SCD5: variants seen among roughly 807,000 people sequenced by gnomAD.
The protein encoded by SCD5 is acyl-CoA-desaturase 4.
A neutral mutation model predicts 30.4 loss-of-function variants in SCD5; 20 were observed. The observed-to-expected ratio is 0.66, with a 90% CI of 0.46 to 0.96. SCD5 has a LOEUF of 0.96. Among genes scored for constraint, SCD5 ranks in the 40% least tolerant of loss-of-function variants. SCD5 has a pLI of 0.00. For missense variants in SCD5, 381 were observed against 443.3 expected, an observed-to-expected ratio of 0.86 and a Z score of 1.26; for synonymous variants, 173 against 176.4, an observed-to-expected ratio of 0.98 and a Z score of 0.16.
At chr4:82,770,620 G>A (rs1721599015) in intron 1 of SCD5, among the ~76,000 whole-genome samples, 1 of 152,248 alleles carries the variant, frequency 6.6e-6, no homozygotes, top group African/African-American at 2.4e-5. Flanking sequence ...GTATGGGAAT[G>A]AAGAATATCA....
intron 4 of SCD5, among the ~76,000 whole-genome samples, chr4:82,635,901 C>T (rs1727419103): frequency 6.6e-6 from 1 of 152,082 alleles, no homozygotes; most frequent in Admixed American, 6.6e-5. Flanking sequence ...CTTCCCATGT[C>T]TTTGTTTGAA....
chr4:82,749,202 G>C (rs1246132145), intron 1 of SCD5, among the ~76,000 whole-genome samples: 1 of 152,234 alleles, frequency 6.6e-6, no homozygotes, highest in Non-Finnish European at 1.5e-5. Flanking sequence ...TCTGGATAGA[G>C]AGTAAACTCT....
intron 3 of SCD5, among the ~76,000 whole-genome samples, chr4:82,656,912 T>A (rs1195652186): frequency 2.0e-5 from 3 of 152,240 alleles, no homozygotes; most frequent in African/African-American, 7.2e-5. Context: ...TTGAGAAATG[T>A]CTGTTCATAT....
chr4:82,653,324 A>G (rs1055868061), intron 3 of SCD5, among the ~76,000 whole-genome samples: 1 of 152,206 alleles, frequency 6.6e-6, no homozygotes, highest in Non-Finnish European at 1.5e-5. Flanking sequence ...CGCAAAGGGC[A>G]CAAAGAAAAA....
At position 82,705,367 on chromosome 4, in the gene SCD5, G is replaced by A. The variant is rs1719946642; in HGVS notation, c.279C>T (p.Ala93=). Residue 93 remains alanine, a synonymous_variant, in exon 2 of 5, where the codon GCC becomes GCT. Transcript: ENST00000319540. ...AGGACCTGTGGCTCCACAAGCGATG[G>A]GCACCAGCTGTCACACCCAGAGCGG... ...LLAALGVTAG[A]HRLWSHRSYR... is the part of the protein sequence containing the mutation. The A allele has an allele frequency of 6.2e-7, 1 of 1,614,092 alleles. No individual in the cohort carries two copies. The highest frequency in any genetic ancestry group is 1.3e-5 in the African/African-American group (1 of 74,936).
At chr4:82,661,195 C>T (rs929018122) in intron 3 of SCD5, 20 of 835,484 alleles carry the variant, frequency 2.4e-5, no homozygotes, top group African/African-American at 6.7e-5. Context: ...ATCTCTCAAT[C>T]TAATCATCCC....
At chr4:82,755,071 T>C (rs1413649437) in intron 1 of SCD5, among the ~76,000 whole-genome samples, 2 of 128,336 alleles carry the variant, frequency 1.6e-5, no homozygotes, top group African/African-American at 6.0e-5. Context: ...CTTCAGAACT[T>C]GGAAAGTCTA....
chr4:82,684,695 G>C (rs547888185), intron 2 of SCD5, among the ~76,000 whole-genome samples: 1 of 152,306 alleles, frequency 6.6e-6, no homozygotes, highest in East Asian at 1.9e-4. Flanking sequence ...GGGAGGCGGG[G>C]AGTGAATGGA....
At chr4:82,704,328 C>T (rs13117873) in intron 2 of SCD5, among the ~76,000 whole-genome samples, 51,388 of 152,018 alleles carry the variant, frequency 0.34, 10,231 homozygotes, top group Admixed American at 0.45. Flanking sequence ...TTCGCAATCA[C>T]CATTCCTTCC....
chr4:82,747,633 C>T (rs11942543), intron 1 of SCD5, among the ~76,000 whole-genome samples: 118,039 of 152,224 alleles, frequency 0.78, 46,212 homozygotes, highest in Non-Finnish European at 0.83. Flanking sequence ...AGTGATCAAA[C>T]AGATACCAGC....
chr4:82,740,018 T>C (rs1309908030), intron 1 of SCD5, among the ~76,000 whole-genome samples: 1 of 152,176 alleles, frequency 6.6e-6, no homozygotes, highest in African/African-American at 2.4e-5. Context: ...CTCAGCAATC[T>C]GACCTGCCCT....
At chr4:82,784,150 A>G (rs1721938634) in intron 1 of SCD5, among the ~76,000 whole-genome samples, 1 of 152,250 alleles carries the variant, frequency 6.6e-6, no homozygotes, top group African/African-American at 2.4e-5. Flanking sequence ...TTGAAATTAC[A>G]CATCACAGTA....
At chr4:82,654,186 G>A (rs1578006951) in intron 3 of SCD5, among the ~76,000 whole-genome samples, 1 of 152,282 alleles carries the variant, frequency 6.6e-6, no homozygotes, top group South Asian at 2.1e-4. Flanking sequence ...CAAAGTGAAT[G>A]AGCATGTTTC....
chr4:82,692,624 C>A (rs926381457), intron 2 of SCD5, among the ~76,000 whole-genome samples: 1 of 152,252 alleles, frequency 6.6e-6, no homozygotes, highest in Non-Finnish European at 1.5e-5. Flanking sequence ...GCCAGGCCGA[C>A]ACTTGGCTCA....
At chr4:82,742,642 C>T (rs1720900667) in intron 1 of SCD5, among the ~76,000 whole-genome samples, 1 of 152,148 alleles carries the variant, frequency 6.6e-6, no homozygotes. Flanking sequence ...CAAAAATTAG[C>T]TGGGCATGGT....
rs1727269746 is a variant in SCD5 at position 82,630,684 on chromosome 4, G to GTA, written c.*642_*643insTA. The GTA allele has an allele frequency of 6.6e-6, 1 of 151,360 alleles. No individual in the cohort carries two copies. Among genetic ancestry groups the GTA allele is most frequent in the African/African-American group, 2.4e-5 (1 of 40,882 alleles). The allele number at this position is 151,360 out of a possible 1,614,324, so 9.4% of individuals were successfully genotyped here. A position where few individuals can be genotyped will look rare whatever the true frequency, so the allele number is the denominator to read the frequency against. On this transcript the variant is annotated 3_prime_UTR_variant, in exon 5 of 5. Coordinates refer to ENST00000319540, the MANE Select transcript of SCD5 (RefSeq NM_001037582.3). ...AAAAGTTTTTTAGGCTGGGCGCGCT[G>GTA]GCTCCCAGCTACTCGGGAGGCTGAG... is the stretch of plus-strand genomic sequence containing the variant.
At chr4:82,671,870 G>T (rs4693481) in intron 3 of SCD5, among the ~76,000 whole-genome samples, 19,714 of 152,070 alleles carry the variant, frequency 0.13, 1,529 homozygotes, top group East Asian at 0.4. Context: ...AACAGAGCGA[G>T]ACTCTGTCTC....
chr4:82,640,147 C>T (rs1481704655), intron 3 of SCD5, among the ~76,000 whole-genome samples: 2 of 152,182 alleles, frequency 1.3e-5, no homozygotes, highest in African/African-American at 2.4e-5. Flanking sequence ...GGTCTGACCA[C>T]AGCCTGCAGC....
chr4:82,710,101 G>A (rs547050922), intron 1 of SCD5, among the ~76,000 whole-genome samples: 81 of 152,270 alleles, frequency 5.3e-4, no homozygotes, highest in Non-Finnish European at 8.7e-4. Flanking sequence ...CTCCACCCTG[G>A]CTGTGCATTA....
Sources: allele counts gnomAD v4.1 joint callset (sites outside exome capture counted in the v4.1 genomes callset), GRCh38; gene constraint gnomAD v4.1.1; transcripts MANE v1.5; gene names NCBI Gene and HGNC (gene_info 2026-07-23, HGNC 2026-07-21).